The following RAB3IP variants were observed in gnomAD, a reference collection of about 807,000 sequenced individuals.
RAB3IP encodes the protein RAB3A interacting protein.
A neutral mutation model predicts 59.1 loss-of-function variants in RAB3IP; 36 were observed. That is an observed-to-expected ratio of 0.61 (90% CI 0.47 to 0.80). RAB3IP has a LOEUF of 0.80. RAB3IP is among the 30% of genes least tolerant of loss of function. The pLI is 0.00. For synonymous variants in RAB3IP, 207 were observed against 191.2 expected (o/e 1.08, Z -0.68); for missense variants, 511 against 536.0 (o/e 0.95, Z 0.46).
intron 4 of RAB3IP, among the ~76,000 whole-genome samples, chr12:69,792,356 A>C (rs1218666526): frequency 6.6e-6 from 1 of 152,170 alleles, no homozygotes; most frequent in Non-Finnish European, 1.5e-5. Flanking sequence ...AAACAAAATG[A>C]TATGTATATT....
intron 1 of RAB3IP, among the ~76,000 whole-genome samples, chr12:69,753,494 A>G (rs1354751264): frequency 1.3e-5 from 2 of 152,052 alleles, no homozygotes; most frequent in Non-Finnish European, 2.9e-5. Context: ...GATTATAGGC[A>G]TGGGCCACCA....
intron 4 of RAB3IP, among the ~76,000 whole-genome samples, chr12:69,786,059 T>A (rs946824402): frequency 6.6e-6 from 1 of 152,230 alleles, no homozygotes; most frequent in Admixed American, 6.5e-5. Context: ...CTTAAAACTT[T>A]TATTATAATA....
At chr12:69,803,500 T>A (rs1009213751) in intron 8 of RAB3IP, among the ~76,000 whole-genome samples, 1 of 148,378 alleles carries the variant, frequency 6.7e-6, no homozygotes, top group African/African-American at 2.6e-5. Context: ...TTAATTTTTT[T>A]ATTATTATTA....
chr12:69,783,837 A>C (rs532260780), intron 3 of RAB3IP, among the ~76,000 whole-genome samples: 6 of 152,204 alleles, frequency 3.9e-5, no homozygotes, highest in African/African-American at 1.4e-4. Flanking sequence ...ACATTCTCTT[A>C]GTATTCTGAG....
rs1433118052 is a variant in RAB3IP, at chr12:69,820,103, T to G, written c.*4657T>G. On this transcript the variant is annotated 3_prime_UTR_variant, in exon 11 of 11. Coordinates refer to ENST00000247833, the MANE Select transcript of RAB3IP (RefSeq NM_022456.5). ...TCATAGGCTTTTGTTTTCAGTGGTT[T>G]TTGTTGTTGCATTTTTCCCTAGATA... is the stretch of plus-strand genomic sequence containing the variant. The G allele has an allele frequency of 1.3e-5, 2 of 152,168 alleles. No homozygotes were observed. The highest frequency in any genetic ancestry group is 2.4e-5 in the African/African-American group (1 of 41,414). 9.4% of individuals were successfully genotyped at this position (152,168 alleles called of 1,614,324 possible).
intron 6 of RAB3IP, chr12:69,796,691 C>A: frequency 3.5e-6 from 2 of 575,090 alleles, no homozygotes; most frequent in South Asian, 2.2e-5. Flanking sequence ...TAACCAAATC[C>A]AAAATTCACA....
chr12:69,765,662 G>A (rs532655706), intron 3 of RAB3IP, among the ~76,000 whole-genome samples: 2 of 152,318 alleles, frequency 1.3e-5, no homozygotes, highest in Admixed American at 1.3e-4. Flanking sequence ...CAAAGCCTCT[G>A]CACAGGAGGA....
intron 8 of RAB3IP, among the ~76,000 whole-genome samples, chr12:69,804,948 C>G (rs1215880412): frequency 6.6e-6 from 1 of 152,166 alleles, no homozygotes; most frequent in Non-Finnish European, 1.5e-5. Flanking sequence ...CAGCTTTGTT[C>G]TTTTGGCTTA....
intron 3 of RAB3IP, among the ~76,000 whole-genome samples, chr12:69,762,756 C>CAAAAAAAAAAAACAAAAAAAAAA (rs1871520917): frequency 1.3e-5 from 1 of 76,758 alleles, no homozygotes; most frequent in African/African-American, 5.4e-5. Flanking sequence ...GACTCCGTCT[C>CAAAAAAAAAAAACAAAAAAAAAA]AAAAAAAAAA....
chr12:69,764,253 T>C lies in RAB3IP; in HGVS notation c.510+7590T>C, dbSNP rs184412660. On this transcript the variant is annotated intron_variant, in intron 3 of 10. Coordinates refer to ENST00000247833, the MANE Select transcript of RAB3IP (RefSeq NM_022456.5). ...TCTTATGGCTTATTCCTAGGTTGTTTTCTAGGATTCTTATGGCAAAGATTT... is the reference window on the plus strand; with the variant it reads ...TCTTATGGCTTATTCCTAGGTTGTTCTCTAGGATTCTTATGGCAAAGATTT... Among the ~76,000 whole-genome samples, 10 of 152,296 alleles carry C rather than the reference T, an allele frequency of 6.6e-5. No individual in the cohort carries two copies. The South Asian group carries it at 1.0e-3, about 16-fold the overall frequency.
At chr12:69,773,395 CTTTCT>C (rs1368084763) in intron 3 of RAB3IP, among the ~76,000 whole-genome samples, 2 of 44,920 alleles carry the variant, frequency 4.5e-5, no homozygotes, top group African/African-American at 1.6e-4. Flanking sequence ...ACCCATTTGT[CTTTCT>C]TTTTTTTTTT....
chr12:69,740,125 T>C (rs1358969499), intron 1 of RAB3IP, among the ~76,000 whole-genome samples: 1 of 152,222 alleles, frequency 6.6e-6, no homozygotes, highest in East Asian at 1.9e-4. Flanking sequence ...GACCCAGTTC[T>C]TGTTCATTAT....
chr12:69,806,942 A>C (rs1382545642), intron 8 of RAB3IP, among the ~76,000 whole-genome samples: 1 of 151,638 alleles, frequency 6.6e-6, no homozygotes, highest in African/African-American at 2.4e-5. Flanking sequence ...AATTTTTCTT[A>C]GTCCAGAACA....
chr12:69,801,987 C>T (rs765205094), intron 8 of RAB3IP, among the ~76,000 whole-genome samples: 9 of 142,704 alleles, frequency 6.3e-5, no homozygotes, highest in Admixed American at 1.4e-4. Flanking sequence ...GCAACAAGCA[C>T]AATTACTTTT....
chr12:69,760,691 ATT>A (rs879871859), intron 3 of RAB3IP, among the ~76,000 whole-genome samples: 1 of 145,904 alleles, frequency 6.9e-6, no homozygotes. Context: ...AAGATTGATA[ATT>A]TTTTTTTTTT....
At chr12:69,764,224 G>A (rs1871830917) in intron 3 of RAB3IP, among the ~76,000 whole-genome samples, 2 of 152,014 alleles carry the variant, frequency 1.3e-5, no homozygotes, top group Admixed American at 6.5e-5. Flanking sequence ...TATGGCTTAT[G>A]GATTCTTATG....
Position 69,744,602 on chromosome 12 carries a change from T to A in RAB3IP, c.-26+5571T>A, listed in dbSNP as rs541946996. On this transcript the variant is annotated intron_variant, in intron 1 of 10. Coordinates refer to ENST00000247833, the MANE Select transcript of RAB3IP (RefSeq NM_022456.5). The stretch of plus-strand genomic sequence containing the variant: ...AGCTGGGTGTGGTGGCAGGCGCCTG[T>A]AATCCCAGCTATTCAGGAGACAGAT... 3.3e-5 allele frequency among the ~76,000 whole-genome samples: 5 copies of A among 151,272 alleles called. No homozygotes were observed. In the East Asian group the frequency reaches 9.8e-4, roughly 30 times the overall value.
intron 8 of RAB3IP, among the ~76,000 whole-genome samples, chr12:69,806,522 T>C (rs1343987069): frequency 1.3e-5 from 2 of 151,890 alleles, no homozygotes; most frequent in Non-Finnish European, 2.9e-5. Context: ...ATCTTAGTTA[T>C]TTCTTGCCTT....
rs539015275 is a variant in RAB3IP at position 69,764,373 on chromosome 12, A to G, written c.510+7710A>G. On this transcript the variant is annotated intron_variant, in intron 3 of 10. Transcript: ENST00000247833. ...TTCTTCTGCATATGCCTAGCCAGCT[A>G]TCCTAGCACCATTTGTTGAATAAGG... Among the ~76,000 whole-genome samples, 23 of 152,312 alleles carry G rather than the reference A, an allele frequency of 1.5e-4. No homozygotes were observed. In the South Asian group the frequency reaches 4.3e-3, roughly 29 times the overall value.
Sources: gnomAD v4.1 joint callset for allele counts (sites outside exome capture counted in the v4.1 genomes callset) on GRCh38, gnomAD v4.1.1 for gene constraint, MANE v1.5 for transcripts, NCBI Gene and HGNC (gene_info 2026-07-23, HGNC 2026-07-21) for gene names.